CEP85L: variants seen among roughly 807,000 people sequenced by gnomAD.
CEP85L encodes centrosomal protein of 85 kDa-like.
CEP85L carries 60 observed loss-of-function variants against 100.3 expected under a neutral mutation model. The ratio of observed to expected loss-of-function variants is 0.60; its 90% CI spans 0.49 to 0.74. The LOEUF (loss-of-function observed/expected upper bound fraction) is 0.74. Ranked by LOEUF, CEP85L falls within the 30% of genes least tolerant of loss-of-function variation. The pLI is 0.00. For synonymous variants in CEP85L, 319 were observed against 322.7 expected, an observed-to-expected ratio of 0.99 and a Z score of 0.12; for missense variants, 973 against 936.2, an observed-to-expected ratio of 1.04 and a Z score of -0.51.
intron 1 of CEP85L, among the ~76,000 whole-genome samples, chr6:118,647,339 T>G (rs1416979484): frequency 6.6e-6 from 1 of 152,176 alleles, no homozygotes; most frequent in East Asian, 1.9e-4. Flanking sequence ...CTCAAAATGT[T>G]TTAAGAGTTG....
chr6:118,591,729 A>AT (rs1377297450), intron 2 of CEP85L, among the ~76,000 whole-genome samples: 1 of 152,074 alleles, frequency 6.6e-6, no homozygotes, highest in African/African-American at 2.4e-5. Context: ...GTGTGCTTTC[A>AT]TTTTCAATAA....
At chr6:118,632,995 A>G (rs1774262743) in intron 1 of CEP85L, among the ~76,000 whole-genome samples, 1 of 152,234 alleles carries the variant, frequency 6.6e-6, no homozygotes, top group Non-Finnish European at 1.5e-5. Flanking sequence ...AGGGCTCAGG[A>G]AAATTCAATA....
chr6:118,615,123 C>T (rs1171540291), intron 2 of CEP85L, among the ~76,000 whole-genome samples: 1 of 152,076 alleles, frequency 6.6e-6, no homozygotes, highest in Non-Finnish European at 1.5e-5. Context: ...GAAGAACATA[C>T]CATGTTCATA....
chr6:118,583,347 C>T (rs6921202), intron 2 of CEP85L, among the ~76,000 whole-genome samples: 217 of 152,338 alleles, frequency 1.4e-3, no homozygotes, highest in African/African-American at 4.9e-3. Flanking sequence ...GGCCTCCCCT[C>T]TTCCCAGAGC....
At chr6:118,636,643 C>A (rs769778942) in intron 1 of CEP85L, among the ~76,000 whole-genome samples, 4 of 152,188 alleles carry the variant, frequency 2.6e-5, no homozygotes, top group Non-Finnish European at 5.9e-5. Context: ...CTTCACTGAA[C>A]CAGCTGAAGG....
At position 118,567,987 on chromosome 6, in the gene CEP85L, A is replaced by G. The variant is rs549509166; in HGVS notation, c.233-1671T>C. Among the ~76,000 whole-genome samples, 12 of 152,350 alleles carry G rather than the reference A, an allele frequency of 7.9e-5. No homozygotes were observed. In the South Asian group the frequency reaches 8.3e-4, roughly 11 times the overall value. Reference sequence around the variant, plus strand: ...TTACTGACTCCAACCCTCCCAAAATATATTTCAGACCTCAAAATCCCAGTA... The same window carrying G: ...TTACTGACTCCAACCCTCCCAAAATGTATTTCAGACCTCAAAATCCCAGTA... On this transcript the variant is annotated intron_variant, in intron 2 of 12. Transcript: ENST00000368491.
chr6:118,698,047 A>G (rs1005860700), intron 1 of CEP85L, among the ~76,000 whole-genome samples: 10 of 152,220 alleles, frequency 6.6e-5, no homozygotes, highest in African/African-American at 1.9e-4. Flanking sequence ...ATATAAAAAA[A>G]GCTGCAGCCT....
intron 2 of CEP85L, 82 bp from the exon 3 acceptor site, chr6:118,566,398 T>A (rs2115000090): frequency 8.7e-7 from 1 of 1,154,028 alleles, no homozygotes; most frequent in Non-Finnish European, 1.2e-6. Flanking sequence ...CCAAAAGAAA[T>A]ATCTGAACAT....
chr6:118,498,286 G>A (rs976390648), intron 5 of CEP85L, among the ~76,000 whole-genome samples: 44 of 152,026 alleles, frequency 2.9e-4, no homozygotes, highest in African/African-American at 9.7e-4. Context: ...TTAAGGTCAG[G>A]GGTTCGAGAC....
intron 2 of CEP85L, among the ~76,000 whole-genome samples, chr6:118,572,864 C>A (rs1779988511): frequency 6.6e-6 from 1 of 152,096 alleles, no homozygotes; most frequent in Admixed American, 6.6e-5. Context: ...GAGTTAGAGA[C>A]CAGCCTGGCT....
intron 3 of CEP85L, among the ~76,000 whole-genome samples, chr6:118,544,454 A>G (rs6903291): frequency 0.029 from 4,404 of 152,272 alleles, 108 homozygotes; most frequent in African/African-American, 0.056. Flanking sequence ...GTTACCTTCT[A>G]AATGTTAAAT....
intron 1 of CEP85L, among the ~76,000 whole-genome samples, chr6:118,682,461 A>G (rs1465971857): frequency 2.0e-5 from 3 of 152,110 alleles, no homozygotes; most frequent in African/African-American, 7.2e-5. Flanking sequence ...AGTGGATTAT[A>G]CTAGATGCTG....
chr6:118,543,793 C>T (rs990250765), intron 3 of CEP85L, among the ~76,000 whole-genome samples: 1 of 152,042 alleles, frequency 6.6e-6, no homozygotes, highest in Non-Finnish European at 1.5e-5. Context: ...TTTTTCATCT[C>T]GAAAGAGAAA....
intron 3 of CEP85L, among the ~76,000 whole-genome samples, chr6:118,543,437 TA>T (rs955180847): frequency 1.3e-5 from 2 of 150,968 alleles, no homozygotes; most frequent in Non-Finnish European, 3.0e-5. Flanking sequence ...GTGTAGAGCT[TA>T]AAAAAATCAA....
intron 3 of CEP85L, chr6:118,537,992 T>G (rs1777692281): frequency 1.3e-6 from 1 of 746,372 alleles, no homozygotes; most frequent in Non-Finnish European, 1.6e-6. Context: ...AAGATGAAAA[T>G]AATACAAATA....
At chr6:118,629,057 T>C (rs1267043110) in intron 2 of CEP85L, among the ~76,000 whole-genome samples, 2 of 152,182 alleles carry the variant, frequency 1.3e-5, no homozygotes, top group Non-Finnish European at 2.9e-5. Flanking sequence ...AATCAAACTT[T>C]AAAAACAATA....
In CEP85L at chr6:118,602,610, TAAC is replaced by T. The variant is rs577957782; in HGVS notation, c.232+29840_232+29842del. 5.3e-3 allele frequency among the ~76,000 whole-genome samples: 814 copies of T among 152,348 alleles called. 3 individuals carry two copies. The highest frequency in any genetic ancestry group is 8.8e-3 in the Non-Finnish European group (597 of 68,024). On this transcript the variant is annotated intron_variant, in intron 2 of 12. Transcript: ENST00000368491. ...AAAAACAATTAATGAGACTAGAATT[TAAC>T]AACAAGTGTACCATAGTTTTTGAAA...
chr6:118,529,949 T>C (rs879884474), intron 3 of CEP85L, among the ~76,000 whole-genome samples: 4 of 152,106 alleles, frequency 2.6e-5, no homozygotes, highest in Non-Finnish European at 5.9e-5. Context: ...CAAACTATGT[T>C]CTTGCACAAT....
intron 3 of CEP85L, among the ~76,000 whole-genome samples, chr6:118,564,319 G>A (rs1435417978): frequency 1.3e-5 from 2 of 152,142 alleles, no homozygotes; most frequent in African/African-American, 4.8e-5. Context: ...GACACCAGCT[G>A]GAGAAACAAC....
Sources: allele counts gnomAD v4.1 joint callset (sites outside exome capture counted in the v4.1 genomes callset), GRCh38; gene constraint gnomAD v4.1.1; transcripts MANE v1.5; gene names NCBI Gene and HGNC (gene_info 2026-07-23, HGNC 2026-07-21).